CELF2: variants seen among roughly 807,000 people sequenced by gnomAD.
CELF2 encodes CUG triplet repeat RNA-binding protein 2.
A neutral mutation model predicts 62.6 loss-of-function variants in CELF2; 8 were observed. The observed-to-expected ratio is 0.13, with a 90% CI of 0.07 to 0.23. The LOEUF is 0.23. CELF2 is among the 10% of genes least tolerant of loss of function. The pLI, the probability that CELF2 is intolerant of heterozygous loss-of-function variation, is 1.00. For synonymous variants in CELF2, 258 were observed against 250.0 expected, an observed-to-expected ratio of 1.03 and a Z score of -0.30; for missense variants, 333 against 671.0, an observed-to-expected ratio of 0.50 and a Z score of 5.56.
the CELF2 span, among the ~76,000 whole-genome samples, chr10:10,733,376 GTCA>G: frequency 4.6e-5 from 7 of 152,176 alleles, no homozygotes; most frequent in African/African-American, 1.7e-4. Flanking sequence ...TCCAACTGCA[GTCA>G]TCAAAGAAAC....
rs138784973 is a variant in CELF2, at chr10:11,210,418, G to A, written c.272-7007G>A. ...TCTCATGCCCAACCCCATAAGCTCCGAAACGGAAATACTTTTTATTTGACC... is the reference window on the plus strand; with the variant it reads ...TCTCATGCCCAACCCCATAAGCTCCAAAACGGAAATACTTTTTATTTGACC... On this transcript the variant is annotated intron_variant, in intron 2 of 12. Transcript: ENST00000633077. 4.4e-3 allele frequency among the ~76,000 whole-genome samples: 672 copies of A among 152,216 alleles called. 9 individuals carry two copies. The highest frequency in any genetic ancestry group is 0.015 in the African/African-American group (643 of 41,524).
chr10:11,118,680 A>G lies in CELF2; in HGVS notation c.75-46806A>G, dbSNP rs74115726. Among the ~76,000 whole-genome samples the G allele has an allele frequency of 2.2e-3, 329 of 152,240 alleles. 4 individuals are homozygous for G. Among genetic ancestry groups the G allele is most frequent in the African/African-American group, 7.7e-3 (320 of 41,534 alleles). On this transcript the variant is annotated intron_variant, in intron 1 of 12. Coordinates refer to ENST00000633077, the MANE Select transcript of CELF2 (RefSeq NM_001326342.2). ...GCCTTGGATTTTCCTCACCAGTTCAACAGCTTCTTATTTGTATGTTGAAGA... is the reference window on the plus strand; with the variant it reads ...GCCTTGGATTTTCCTCACCAGTTCAGCAGCTTCTTATTTGTATGTTGAAGA...
rs185611529 is a variant in CELF2 at position 11,075,595 on chromosome 10, A to G, written c.74+57432A>G. ...AATTAAGTGGATTATTGCTGTGAAC[A>G]TACGTATGGACTTAAATGTCCAGGG... On this transcript the variant is annotated intron_variant, in intron 1 of 12. Transcript: ENST00000633077. The surrounding 1 kb of genome is among the most constrained non-coding windows in gnomAD (Gnocchi z 5.4). Among the ~76,000 whole-genome samples, 3 of 152,302 alleles carry G rather than the reference A, an allele frequency of 2.0e-5. No homozygotes were observed. The East Asian group carries it at 5.8e-4, about 29-fold the overall frequency.
chr10:11,136,933 A>G (rs1052515839), intron 1 of CELF2, among the ~76,000 whole-genome samples: 13 of 152,200 alleles, frequency 8.5e-5, no homozygotes, highest in African/African-American at 2.2e-4. Flanking sequence ...ATATTATCCA[A>G]CCATAAAGCA....
the CELF2 span, among the ~76,000 whole-genome samples, chr10:10,615,038 T>C: frequency 6.6e-6 from 1 of 152,012 alleles, no homozygotes; most frequent in Non-Finnish European, 1.5e-5. Context: ...TCGGTCTGGC[T>C]CCCATCTTCC....
At chr10:11,234,837 C>T (rs1565462707) in intron 3 of CELF2, among the ~76,000 whole-genome samples, 1 of 152,086 alleles carries the variant, frequency 6.6e-6, no homozygotes, top group Admixed American at 6.5e-5. Flanking sequence ...ACAGGAAGCC[C>T]TGCAGAGTTA....
intron 2 of CELF2, among the ~76,000 whole-genome samples, chr10:11,193,543 C>G (rs956339110): frequency 2.6e-5 from 4 of 152,174 alleles, no homozygotes; most frequent in African/African-American, 4.8e-5. Flanking sequence ...GATGCCCTCC[C>G]CACTCCGTCT....
chr10:11,208,624 G>A (rs1298808679), intron 2 of CELF2, among the ~76,000 whole-genome samples: 1 of 152,210 alleles, frequency 6.6e-6, no homozygotes, highest in Non-Finnish European at 1.5e-5. Flanking sequence ...AGTCAAACAA[G>A]GTAGGTCAGA....
rs191596876 is a variant in CELF2, at chr10:11,275,944, A to C, written c.841+824A>C. 1.1e-3 allele frequency among the ~76,000 whole-genome samples: 170 copies of C among 152,314 alleles called. 2 individuals carry two copies. Among genetic ancestry groups the C allele is most frequent in the Non-Finnish European group, 1.2e-4 (8 of 68,028 alleles). On this transcript the variant is annotated intron_variant, in intron 8 of 12. Transcript: ENST00000633077. ...GCCTTTTCCTTGTTTCATTCCAAAA[A>C]GGTGGGGGGAGAGAGCAAGGAGAAC...
intron 1 of CELF2, among the ~76,000 whole-genome samples, chr10:11,051,399 A>G (rs180730615): frequency 1.8e-3 from 271 of 152,354 alleles, no homozygotes; most frequent in African/African-American, 6.0e-3. Context: ...AAAATATTTT[A>G]AATCTGGCAG....
chr10:11,138,560 A>G (rs571859186), intron 1 of CELF2, among the ~76,000 whole-genome samples: 50 of 152,360 alleles, frequency 3.3e-4, no homozygotes, highest in African/African-American at 1.1e-3. Flanking sequence ...GCTGGGTGCT[A>G]TGGTGCAAAC....
Position 11,163,250 on chromosome 10 carries a change from G to A in CELF2, c.75-2236G>A, listed in dbSNP as rs143678344. Reference sequence around the variant, plus strand: ...ACATTATGTGCTCCGCAGATGAGGTGCGGCAGCCCCATTTTTTGAACTTCT... The same window carrying A: ...ACATTATGTGCTCCGCAGATGAGGTACGGCAGCCCCATTTTTTGAACTTCT... On this transcript the variant is annotated intron_variant, in intron 1 of 12. Coordinates refer to ENST00000633077, the MANE Select transcript of CELF2 (RefSeq NM_001326342.2). 2.0e-3 allele frequency among the ~76,000 whole-genome samples: 310 copies of A among 152,318 alleles called. 14 individuals carry two copies. The South Asian group carries it at 0.063, about 31-fold the overall frequency.
intron 1 of CELF2, among the ~76,000 whole-genome samples, chr10:11,141,265 A>G (rs956308982): frequency 1.3e-5 from 2 of 152,154 alleles, no homozygotes; most frequent in Non-Finnish European, 2.9e-5. Context: ...AGTGTTGTGA[A>G]GTTAAATAGG....
At chr10:10,760,345 C>T in the CELF2 span, among the ~76,000 whole-genome samples, 16 of 152,302 alleles carry the variant, frequency 1.1e-4, no homozygotes, top group Admixed American at 9.1e-4. Context: ...CTTGAATGCT[C>T]CATGTGACCC....
At chr10:10,671,441 TAA>T in the CELF2 span, among the ~76,000 whole-genome samples, 1 of 152,162 alleles carries the variant, frequency 6.6e-6, no homozygotes, top group Non-Finnish European at 1.5e-5. Context: ...TTCCTTTGAG[TAA>T]ATTCCAAGGA....
At chr10:10,728,452 C>T in the CELF2 span, among the ~76,000 whole-genome samples, 14 of 81,426 alleles carry the variant, frequency 1.7e-4, no homozygotes, top group Non-Finnish European at 2.4e-4. Flanking sequence ...GACTCTGTTT[C>T]AAAAAAAAAA....
chr10:10,651,146 T>G, the CELF2 span, among the ~76,000 whole-genome samples: 1 of 130,306 alleles, frequency 7.7e-6, no homozygotes, highest in Non-Finnish European at 1.7e-5. Flanking sequence ...CCCACCCGAA[T>G]TTTGCGCTTT....
the CELF2 span, among the ~76,000 whole-genome samples, chr10:10,491,226 A>G: frequency 6.6e-6 from 1 of 152,224 alleles, no homozygotes; most frequent in Non-Finnish European, 1.5e-5. Context: ...TTTCACTGAC[A>G]TTAAAATCTA....
the CELF2 span, among the ~76,000 whole-genome samples, chr10:10,518,552 C>G: frequency 2.0e-5 from 3 of 152,124 alleles, no homozygotes; most frequent in Admixed American, 6.6e-5. Context: ...TAGGAATTCT[C>G]TCTTATCATC....
Sources: gnomAD v4.1 joint callset for allele counts (sites outside exome capture counted in the v4.1 genomes callset) on GRCh38, gnomAD v4.1.1 for gene constraint, Gnocchi (gnomAD v3.1) non-coding constraint, MANE v1.5 for transcripts, NCBI Gene and HGNC (gene_info 2026-07-23, HGNC 2026-07-21) for gene names.